Variants in ATP8A2 observed in about 807,000 individuals in gnomAD.
ATP8A2 encodes ATPase phospholipid transporting 8A2.
A neutral mutation model predicts 165.6 loss-of-function variants in ATP8A2; 100 were observed. The observed-to-expected ratio is 0.60, with a 90% CI of 0.51 to 0.71. The LOEUF is 0.71. Among genes scored for constraint, ATP8A2 ranks in the 30% least tolerant of loss-of-function variants. The pLI is 0.00. For synonymous variants in ATP8A2, 543 were observed against 548.8 expected, an observed-to-expected ratio of 0.99 and a Z score of 0.15; for missense variants, 1,227 against 1,479.5, an observed-to-expected ratio of 0.83 and a Z score of 2.80.
At chr13:25,930,786 CAGAT>C (rs1452928529) in intron 33 of ATP8A2, among the ~76,000 whole-genome samples, 1 of 152,094 alleles carries the variant, frequency 6.6e-6, no homozygotes, top group Non-Finnish European at 1.5e-5. Context: ...CACTGTCTGT[CAGAT>C]AGAATCTCAG....
chr13:25,853,903 A>C (rs1031657131), intron 30 of ATP8A2, among the ~76,000 whole-genome samples: 1 of 152,234 alleles, frequency 6.6e-6, no homozygotes, highest in African/African-American at 2.4e-5. Flanking sequence ...GGAGCCTTAG[A>C]GATAACTCAG....
chr13:25,665,519 C>T (rs1158018896), intron 24 of ATP8A2, among the ~76,000 whole-genome samples: 1 of 151,732 alleles, frequency 6.6e-6, no homozygotes, highest in Admixed American at 6.6e-5. Flanking sequence ...CTTTCAATCC[C>T]TGGTACATGA....
intron 33 of ATP8A2, among the ~76,000 whole-genome samples, chr13:25,950,019 C>T (rs907031374): frequency 1.2e-4 from 19 of 152,098 alleles, no homozygotes; most frequent in Non-Finnish European, 4.4e-5. Context: ...AGGCTGATCT[C>T]GAACTCTTGA....
At chr13:25,728,836 A>G (rs563857233) in intron 25 of ATP8A2, among the ~76,000 whole-genome samples, 14 of 152,310 alleles carry the variant, frequency 9.2e-5, no homozygotes, top group African/African-American at 3.1e-4. Context: ...TAGCAAATGC[A>G]TCTGCATATA....
In ATP8A2 at chr13:25,417,341, A is replaced by G. The variant is rs1290189876; in HGVS notation, c.76+45053A>G. On this transcript the variant is annotated intron_variant, in intron 1 of 36. Coordinates refer to ENST00000381655, the MANE Select transcript of ATP8A2 (RefSeq NM_016529.6). Reference sequence around the variant, plus strand: ...GCTCTTATTTTACTTCATTTCTCCCATTTCCCCAAATGCCTGGCTTCTAAG... The same window carrying G: ...GCTCTTATTTTACTTCATTTCTCCCGTTTCCCCAAATGCCTGGCTTCTAAG... Among the ~76,000 whole-genome samples, 3 of 151,568 alleles carry G rather than the reference A, an allele frequency of 2.0e-5. No individual in the cohort carries two copies. In the South Asian group the frequency reaches 6.3e-4, roughly 32 times the overall value.
chr13:25,561,893 G>A (rs1238601005), intron 15 of ATP8A2, among the ~76,000 whole-genome samples: 2 of 152,110 alleles, frequency 1.3e-5, no homozygotes, highest in African/African-American at 4.8e-5. Context: ...TTTGTGTTTG[G>A]CGTATTTCCC....
chr13:25,946,191 C>G (rs1955204430), intron 33 of ATP8A2, among the ~76,000 whole-genome samples: 1 of 152,154 alleles, frequency 6.6e-6, no homozygotes, highest in South Asian at 2.1e-4. Context: ...ACTCCCGATT[C>G]ACCACCTTAC....
At chr13:25,373,506 G>C (rs2032502263) in intron 1 of ATP8A2, among the ~76,000 whole-genome samples, 1 of 152,148 alleles carries the variant, frequency 6.6e-6, no homozygotes, top group African/African-American at 2.4e-5. Context: ...CAGTCATACA[G>C]GTGTGAGAAT....
chr13:25,530,865 G>T (rs2038009648), intron 4 of ATP8A2, among the ~76,000 whole-genome samples: 1 of 151,972 alleles, frequency 6.6e-6, no homozygotes. Context: ...TTCAAACTTT[G>T]TTTTCAAATA....
chr13:25,923,165 T>A (rs1195548999), intron 33 of ATP8A2, among the ~76,000 whole-genome samples: 1 of 152,172 alleles, frequency 6.6e-6, no homozygotes, highest in Non-Finnish European at 1.5e-5. Flanking sequence ...ATTGCAATTA[T>A]CATATTTAGC....
intron 24 of ATP8A2, among the ~76,000 whole-genome samples, chr13:25,656,740 CAAA>C (rs11326774): frequency 7.0e-5 from 8 of 114,854 alleles, no homozygotes; most frequent in Admixed American, 8.8e-5. Flanking sequence ...GACTCTGTCT[CAAA>C]AAAAAAAAAA....
chr13:25,492,350 C>T (rs113587216), intron 2 of ATP8A2, among the ~76,000 whole-genome samples: 1,689 of 152,316 alleles, frequency 0.011, 34 homozygotes, highest in African/African-American at 0.039. Context: ...GTCACCATGC[C>T]TGGCCTAGAT....
Position 25,494,518 on chromosome 13 carries a change from A to C in ATP8A2, c.221+25397A>C, listed in dbSNP as rs75488023. Among the ~76,000 whole-genome samples the C allele has an allele frequency of 3.5e-3, 528 of 152,304 alleles. 3 individuals carry two copies. Among genetic ancestry groups the C allele is most frequent in the African/African-American group, 0.012 (509 of 41,568 alleles). On this transcript the variant is annotated intron_variant, in intron 2 of 36. Transcript: ENST00000381655. ...TGAAGGTAGGAAGGATTATATGAAA[A>C]GAGAGGAGACTGTGGGGACACAGCC...
chr13:25,495,720 G>A (rs773621066), intron 2 of ATP8A2, among the ~76,000 whole-genome samples: 2 of 147,926 alleles, frequency 1.4e-5, no homozygotes, highest in Middle Eastern at 3.4e-3. Context: ...TCTTGCCTTG[G>A]CCTCTGAAAG....
chr13:25,855,250 CAA>C (rs377574904), intron 30 of ATP8A2, among the ~76,000 whole-genome samples: 21 of 111,504 alleles, frequency 1.9e-4, no homozygotes, highest in Admixed American at 2.9e-4. Context: ...GACTCCATCT[CAA>C]AAAAAAAAAA....
chr13:25,570,796 C>T lies in ATP8A2; in HGVS notation c.1503C>T (p.Leu501=). ...CAGCCCCTTGCATTCAGGAGTTCCT[C>T]ACCCTTCTGGCCGTGTGCCACACGG... ...HPTAPCIQEF[L]TLLAVCHTVV... The change falls in exon 17 of 37, where the codon CTC becomes CTT. Residue 501 remains leucine, a synonymous_variant. Coordinates refer to ENST00000381655, the MANE Select transcript of ATP8A2 (RefSeq NM_016529.6). 6.2e-7 allele frequency: 1 copy of T among 1,613,806 alleles called. No individual in the cohort carries two copies. Among genetic ancestry groups the T allele is most frequent in the Non-Finnish European group, 8.5e-7 (1 of 1,179,760 alleles).
intron 35 of ATP8A2, among the ~76,000 whole-genome samples, chr13:25,990,630 C>T (rs1956371966): frequency 6.6e-6 from 1 of 152,144 alleles, no homozygotes. Context: ...AAGCCAGGGT[C>T]CTTGCGTTTA....
rs1213671857 is a variant in ATP8A2 at position 25,862,341 on chromosome 13, T to C, written c.3116T>C (p.Leu1039Pro). Reference sequence around the variant, plus strand: ...GTCTGGGGAAGCATGCTGACCTGGCTGGTGTTTTTTGGCATCTACTCGACC... The same window carrying C: ...GTCTGGGGAAGCATGCTGACCTGGCCGGTGTTTTTTGGCATCTACTCGACC... ...LAVWGSMLTWLVFFGIYSTIW... is the reference protein window; with the variant it reads ...LAVWGSMLTWPVFFGIYSTIW... Residue 1039 changes from leucine to proline, a missense_variant, in exon 33 of 37, where the codon CTG becomes CCG. Physicochemically the swap from Leu to Pro is moderately conservative, Grantham distance 98. Transcript: ENST00000381655. The C allele has an allele frequency of 6.2e-7, 1 of 1,614,038 alleles. No individual in the cohort carries two copies. The highest frequency in any genetic ancestry group is 8.5e-7 in the Non-Finnish European group (1 of 1,180,022).
intron 27 of ATP8A2, among the ~76,000 whole-genome samples, chr13:25,777,778 A>G (rs2044774543): frequency 1.3e-5 from 2 of 152,230 alleles, no homozygotes; most frequent in Non-Finnish European, 2.9e-5. Context: ...TAAGCCTGTG[A>G]TGTAATGCAG....
Sources: allele counts gnomAD v4.1 joint callset (sites outside exome capture counted in the v4.1 genomes callset), GRCh38; gene constraint gnomAD v4.1.1; transcripts MANE v1.5; gene names NCBI Gene and HGNC (gene_info 2026-07-23, HGNC 2026-07-21).